The following CHRM2 variants were observed in gnomAD, a reference collection of about 807,000 sequenced individuals.
CHRM2 encodes the protein muscarinic acetylcholine receptor M2.
Under a neutral mutation model 25.0 loss-of-function variants are expected in CHRM2, and 8 were observed. The ratio of observed to expected loss-of-function variants is 0.32; its 90% CI spans 0.19 to 0.58. The LOEUF (loss-of-function observed/expected upper bound fraction) is 0.58, where lower values mean the gene tolerates loss of function less well. CHRM2 is among the 20% of genes least tolerant of loss of function. The probability of loss-of-function intolerance (pLI) is 0.88; values close to 1 mark genes in which losing one functional copy is unlikely to be tolerated. For synonymous variants in CHRM2, 202 were observed against 205.7 expected, an observed-to-expected ratio of 0.98 and a Z score of 0.15; for missense variants, 440 against 567.1, an observed-to-expected ratio of 0.78 and a Z score of 2.28.
intron 2 of CHRM2, among the ~76,000 whole-genome samples, chr7:136,977,399 C>CAA (rs1802175871): frequency 4.1e-5 from 6 of 145,294 alleles, no homozygotes; most frequent in Non-Finnish European, 9.1e-5. Flanking sequence ...TTTTTTTTTT[C>CAA]TTTTTTCTTT....
At chr7:136,886,669 C>G (rs1268314893) in intron 2 of CHRM2, among the ~76,000 whole-genome samples, 1 of 151,910 alleles carries the variant, frequency 6.6e-6, no homozygotes, top group Non-Finnish European at 1.5e-5. Context: ...GAGTTCAAGA[C>G]CAGTCTGGGC....
At chr7:136,938,915 C>CAAAAAAAAAAAAAAAAAA (rs56868385) in intron 2 of CHRM2, among the ~76,000 whole-genome samples, 7 of 66,912 alleles carry the variant, frequency 1.0e-4, no homozygotes, top group Admixed American at 1.9e-4. Context: ...CTAGCTCTGC[C>CAAAAAAAAAAAAAAAAAA]AAAAAAAAAA....
At chr7:136,999,679 C>T (rs1803855053) in intron 3 of CHRM2, among the ~76,000 whole-genome samples, 1 of 152,098 alleles carries the variant, frequency 6.6e-6, no homozygotes, top group African/African-American at 2.4e-5. Flanking sequence ...ACACATGACA[C>T]ATTCTTGCTC....
chr7:137,008,577 G>T (rs528015016), intron 3 of CHRM2, among the ~76,000 whole-genome samples: 3 of 152,076 alleles, frequency 2.0e-5, no homozygotes, highest in African/African-American at 4.8e-5. Context: ...GATCTTAATG[G>T]TTGAAAGGTG....
At chr7:136,893,608 G>A (rs561005142) in intron 2 of CHRM2, among the ~76,000 whole-genome samples, 5 of 152,224 alleles carry the variant, frequency 3.3e-5, no homozygotes, top group Admixed American at 2.6e-4. Context: ...GAAGATCATG[G>A]TTCCTGGCTT....
At chr7:136,902,203 C>CA (rs1563055076) in intron 2 of CHRM2, 1 of 143,988 alleles carries the variant, frequency 6.9e-6, no homozygotes, top group Non-Finnish European at 1.6e-5. Flanking sequence ...ATCTATCTAT[C>CA]GATCTATCTA....
At chr7:136,981,688 C>T (rs1802497474) in intron 2 of CHRM2, among the ~76,000 whole-genome samples, 1 of 152,098 alleles carries the variant, frequency 6.6e-6, no homozygotes, top group South Asian at 2.1e-4. Flanking sequence ...TTTATTTCTA[C>T]CTTAATTTCG....
At chr7:136,931,906 T>C (rs573970630) in intron 2 of CHRM2, among the ~76,000 whole-genome samples, 2 of 152,346 alleles carry the variant, frequency 1.3e-5, no homozygotes, top group South Asian at 4.1e-4. Context: ...ATGTATAATG[T>C]TTTGTGCAAC....
intron 2 of CHRM2, among the ~76,000 whole-genome samples, chr7:136,900,223 G>A (rs1296013832): frequency 6.6e-6 from 1 of 152,056 alleles, no homozygotes; most frequent in Non-Finnish European, 1.5e-5. Flanking sequence ...GAGTCAGAGA[G>A]CAGCCCAATG....
chr7:136,916,082 A>G (rs1798091055), intron 2 of CHRM2, among the ~76,000 whole-genome samples: 1 of 151,962 alleles, frequency 6.6e-6, no homozygotes, highest in East Asian at 1.9e-4. Flanking sequence ...CCATTACTAT[A>G]TAATTCCCCA....
At chr7:136,954,133 G>C (rs1260589769) in intron 2 of CHRM2, among the ~76,000 whole-genome samples, 7 of 152,108 alleles carry the variant, frequency 4.6e-5, no homozygotes, top group Admixed American at 3.9e-4. Flanking sequence ...AAAGGGAAGA[G>C]GAAATGATCC....
chr7:136,948,537 T>C (rs1459401244), intron 2 of CHRM2, among the ~76,000 whole-genome samples: 1 of 152,106 alleles, frequency 6.6e-6, no homozygotes, highest in East Asian at 1.9e-4. Flanking sequence ...ACCAAGCACT[T>C]AGCGGAATCA....
intron 2 of CHRM2, among the ~76,000 whole-genome samples, chr7:136,937,134 G>T (rs1799460363): frequency 6.6e-6 from 1 of 152,186 alleles, no homozygotes; most frequent in Admixed American, 6.5e-5. Context: ...AAAATAGGTA[G>T]TTTTCAATAA....
intron 3 of CHRM2, among the ~76,000 whole-genome samples, chr7:136,994,476 T>C (rs373611170): frequency 1.3e-5 from 2 of 151,446 alleles, no homozygotes; most frequent in African/African-American, 2.4e-5. Context: ...TATTTGGTTA[T>C]ATAATATTCA....
chr7:136,977,464 T>C (rs866337357), intron 2 of CHRM2, among the ~76,000 whole-genome samples: 4 of 152,168 alleles, frequency 2.6e-5, no homozygotes, highest in Non-Finnish European at 4.4e-5. Flanking sequence ...ACAATGGAAA[T>C]TGTAATTTCT....
intron 2 of CHRM2, among the ~76,000 whole-genome samples, chr7:136,979,764 G>A (rs557309895): frequency 9.2e-5 from 14 of 152,202 alleles, no homozygotes; most frequent in African/African-American, 3.1e-4. Flanking sequence ...GCAGATGTGT[G>A]GTGTTATTTC....
intron 2 of CHRM2, among the ~76,000 whole-genome samples, chr7:136,943,304 C>T (rs1269834089): frequency 6.6e-6 from 1 of 152,086 alleles, no homozygotes; most frequent in Non-Finnish European, 1.5e-5. Flanking sequence ...TTATTCTGTG[C>T]CTTTAACTAT....
At chr7:136,892,356 A>G (rs1194115863) in intron 2 of CHRM2, among the ~76,000 whole-genome samples, 1 of 152,176 alleles carries the variant, frequency 6.6e-6, no homozygotes, top group Non-Finnish European at 1.5e-5. Context: ...TAATTCTTCA[A>G]TGAGATTGCA....
chr7:136,982,209 C>T (rs324618), intron 2 of CHRM2, among the ~76,000 whole-genome samples: 133,361 of 152,192 alleles, frequency 0.88, 59,001 homozygotes, highest in Middle Eastern at 0.97. Context: ...TATACTTCTT[C>T]GTCTTTTTTG....
Sources: allele counts gnomAD v4.1 joint callset (sites outside exome capture counted in the v4.1 genomes callset), GRCh38; gene constraint gnomAD v4.1.1; transcripts MANE v1.5; gene names NCBI Gene and HGNC (gene_info 2026-07-23, HGNC 2026-07-21).